NCOA1: variants seen among roughly 807,000 people sequenced by gnomAD.
NCOA1 encodes Hin-2 protein.
In NCOA1, 35 loss-of-function variants were observed where a neutral mutation model predicts 150.9. The ratio of observed to expected loss-of-function variants is 0.23; its 90% CI spans 0.18 to 0.31. NCOA1 has a LOEUF of 0.31. Among genes scored for constraint, NCOA1 ranks in the 10% least tolerant of loss-of-function variants. The pLI, the probability that NCOA1 is intolerant of heterozygous loss-of-function variation, is 1.00. For synonymous variants in NCOA1, 590 were observed against 630.0 expected (o/e 0.94, Z 0.95); for missense variants, 1,491 against 1,749.3 (o/e 0.85, Z 2.63).
intron 13 of NCOA1, 33 bp from the exon 14 acceptor site, chr2:24,710,898 T>C: frequency 1.2e-6 from 2 of 1,601,688 alleles, no homozygotes; most frequent in South Asian, 1.1e-5. Flanking sequence ...AAGTGTAAAA[T>C]ATATTTCCTC....
intron 20 of NCOA1, among the ~76,000 whole-genome samples, chr2:24,756,457 A>C (rs1451540726): frequency 1.3e-5 from 2 of 152,178 alleles, no homozygotes; most frequent in African/African-American, 4.8e-5. Context: ...TTCTTCAGAC[A>C]TGATAAATAG....
chr2:24,542,789 T>C (rs1665453044), intron 1 of NCOA1, among the ~76,000 whole-genome samples: 1 of 152,218 alleles, frequency 6.6e-6, no homozygotes, highest in Non-Finnish European at 1.5e-5. Flanking sequence ...TACTAACTTT[T>C]TACTTTTTCT....
rs922320561 is a variant in NCOA1, at chr2:24,536,918, A to T, written c.-395-27377A>T. On this transcript the variant is annotated intron_variant, in intron 1 of 22. Coordinates refer to ENST00000348332, the MANE Select transcript of NCOA1 (RefSeq NM_003743.5). ...CTCACTTATAAGTAGGAGCTAAGCT[A>T]TGGGTACACAGAGGCATACAGAGAG... Among the ~76,000 whole-genome samples the T allele has an allele frequency of 2.0e-5, 3 of 151,936 alleles. 1 individual carries two copies. Among genetic ancestry groups the T allele is most frequent in the African/African-American group, 7.2e-5 (3 of 41,398 alleles).
intron 1 of NCOA1, among the ~76,000 whole-genome samples, chr2:24,512,120 G>C (rs139135957): frequency 6.6e-6 from 1 of 152,276 alleles, no homozygotes; most frequent in Admixed American, 6.5e-5. Flanking sequence ...GATGTTTATT[G>C]ATTATGCAGT....
chr2:24,665,375 A>G (rs567466552), intron 5 of NCOA1, among the ~76,000 whole-genome samples: 26 of 152,296 alleles, frequency 1.7e-4, no homozygotes, highest in African/African-American at 6.0e-4. Flanking sequence ...TTATTTGAAA[A>G]TTCAGATTTT....
rs1671384650 is a variant in NCOA1 at position 24,665,630 on chromosome 2, TGG to T, written c.90-118_90-117del. The T allele has an allele frequency of 2.4e-5, 20 of 840,910 alleles. No individual in the cohort carries two copies. The East Asian group carries it at 6.6e-4, about 28-fold the overall frequency. 52.1% of individuals were successfully genotyped at this position (840,910 alleles called of 1,614,324 possible). On this transcript the variant is annotated intron_variant, in intron 5 of 22. Coordinates refer to ENST00000348332, the MANE Select transcript of NCOA1 (RefSeq NM_003743.5). ...GTGAATTTATATCACTTTCTAAATCTGGTTTTATATTTTCGATAAAAATAAAG... is the reference window on the plus strand; with the variant it reads ...GTGAATTTATATCACTTTCTAAATCTTTTTATATTTTCGATAAAAATAAAG...
At chr2:24,610,396 C>T (rs1668570117) in intron 3 of NCOA1, among the ~76,000 whole-genome samples, 1 of 151,902 alleles carries the variant, frequency 6.6e-6, no homozygotes, top group Non-Finnish European at 1.5e-5. Flanking sequence ...CCACCTTGGC[C>T]TCCCAAAGTG....
chr2:24,665,253 TGAGGA>T (rs1279988714), intron 5 of NCOA1, among the ~76,000 whole-genome samples: 1 of 152,208 alleles, frequency 6.6e-6, no homozygotes, highest in African/African-American at 2.4e-5. Flanking sequence ...ACTTTTTTGA[TGAGGA>T]TCAACTAATG....
rs1167296640 is a variant in NCOA1, at chr2:24,739,996, C to G, written c.3303+463C>G. 1.9e-4 allele frequency among the ~76,000 whole-genome samples: 29 copies of G among 151,554 alleles called. 1 individual carries two copies. Among genetic ancestry groups the G allele is most frequent in the Admixed American group, 1.8e-3 (27 of 15,202 alleles). ...TTTTTTTTTTTAATAAACCCAGAGC[C>G]ATTAGAACTTTAAACATAAAAAGAA... On this transcript the variant is annotated intron_variant, in intron 18 of 22. Coordinates refer to ENST00000348332, the MANE Select transcript of NCOA1 (RefSeq NM_003743.5).
intron 2 of NCOA1, among the ~76,000 whole-genome samples, chr2:24,574,961 G>T (rs112845091): frequency 6.6e-6 from 1 of 151,800 alleles, no homozygotes; most frequent in Non-Finnish European, 1.5e-5. Context: ...GATAATTGTC[G>T]GTGTGATTTT....
At chr2:24,660,058 T>C (rs1380103653) in intron 5 of NCOA1, among the ~76,000 whole-genome samples, 1 of 152,172 alleles carries the variant, frequency 6.6e-6, no homozygotes, top group East Asian at 1.9e-4. Flanking sequence ...CTATTTATCT[T>C]ACTCAGCTCA....
intron 1 of NCOA1, among the ~76,000 whole-genome samples, chr2:24,517,509 A>C (rs1664253179): frequency 6.6e-6 from 1 of 152,034 alleles, no homozygotes. Context: ...ACCGTTTCAC[A>C]CTGACAGGGT....
intron 1 of NCOA1, among the ~76,000 whole-genome samples, chr2:24,551,652 A>G (rs188148187): frequency 1.3e-5 from 2 of 152,202 alleles, no homozygotes; most frequent in African/African-American, 4.8e-5. Flanking sequence ...TCATGCTACA[A>G]TGGCAGAGTT....
chr2:24,736,280 C>T (rs6545697), intron 17 of NCOA1, among the ~76,000 whole-genome samples: 127,085 of 151,572 alleles, frequency 0.84, 54,208 homozygotes, highest in East Asian at 0.99. Flanking sequence ...ACAAAAGATA[C>T]GATTTTTCCA....
intron 2 of NCOA1, among the ~76,000 whole-genome samples, chr2:24,566,403 C>T (rs1053576872): frequency 6.6e-6 from 1 of 152,032 alleles, no homozygotes; most frequent in South Asian, 2.1e-4. Flanking sequence ...GTGTGCTCAG[C>T]TTTCAGCAGA....
chr2:24,521,692 T>A (rs1235786512), intron 1 of NCOA1, among the ~76,000 whole-genome samples: 1 of 152,222 alleles, frequency 6.6e-6, no homozygotes, highest in African/African-American at 2.4e-5. Context: ...GTAGTCAACA[T>A]GAGAGTTGGA....
chr2:24,614,465 A>G (rs191577085), intron 3 of NCOA1, among the ~76,000 whole-genome samples: 58 of 151,914 alleles, frequency 3.8e-4, no homozygotes, highest in Admixed American at 3.1e-3. Flanking sequence ...CCTGGGCTCA[A>G]GTGATCTGCC....
chr2:24,553,581 G>A lies in NCOA1; in HGVS notation c.-395-10714G>A, dbSNP rs78264419. ...TTATTTTTCAGTCTGTTAATGTGGC[G>A]TATTACATTGATGGATTTTCTTTCA... On this transcript the variant is annotated intron_variant, in intron 1 of 22. Coordinates refer to ENST00000348332, the MANE Select transcript of NCOA1 (RefSeq NM_003743.5). 1.9e-3 allele frequency among the ~76,000 whole-genome samples: 282 copies of A among 152,252 alleles called. 5 individuals are homozygous for A. Among genetic ancestry groups the A allele is most frequent in the East Asian group, 0.017 (90 of 5,190 alleles).
At chr2:24,655,955 G>A (rs369041343) in intron 4 of NCOA1, among the ~76,000 whole-genome samples, 1 of 152,010 alleles carries the variant, frequency 6.6e-6, no homozygotes, top group East Asian at 1.9e-4. Flanking sequence ...GGGCATGGTG[G>A]CAGGTGCCTG....
Sources: allele counts gnomAD v4.1 joint callset (sites outside exome capture counted in the v4.1 genomes callset), GRCh38; gene constraint gnomAD v4.1.1; transcripts MANE v1.5; gene names NCBI Gene and HGNC (gene_info 2026-07-23, HGNC 2026-07-21).